The following TACR1 variants were observed in gnomAD, a reference collection of about 807,000 sequenced individuals.
TACR1 encodes the protein tachykinin receptor 1, also known as substance-P receptor.
Under a neutral mutation model 35.8 loss-of-function variants are expected in TACR1, and 25 were observed. The ratio of observed to expected loss-of-function variants is 0.70; its 90% CI spans 0.51 to 0.98. The LOEUF is 0.98. TACR1 is among the 50% of genes least tolerant of loss of function. The pLI is 0.00. For missense variants in TACR1, 478 were observed against 522.9 expected, an observed-to-expected ratio of 0.91 and a Z score of 0.84; for synonymous variants, 195 against 206.7, an observed-to-expected ratio of 0.94 and a Z score of 0.48.
At chr2:75,094,934 G>A (rs2422096) in intron 2 of TACR1, among the ~76,000 whole-genome samples, 2 of 149,548 alleles carry the variant, frequency 1.3e-5, no homozygotes, top group Non-Finnish European at 2.9e-5. Context: ...TAGCAATGAT[G>A]AGGAATTCAC....
chr2:75,155,336 G>C (rs914488808), intron 1 of TACR1, among the ~76,000 whole-genome samples: 1 of 152,062 alleles, frequency 6.6e-6, no homozygotes, highest in African/African-American at 2.4e-5. Context: ...CTCTCTTGCC[G>C]TGAGCAACCT....
rs536474118 is a variant in TACR1, at chr2:75,198,875, C to G, written c.60G>C (p.Ser20=). 6.2e-7 allele frequency: 1 copy of G among 1,613,978 alleles called. No individual in the cohort carries two copies. Reference sequence around the variant, plus strand: ...CTGGTTGCACGAACTGATTGGGTTCCGAGGTGTTAGTGGAGATGTTTGGGG... The same window carrying G: ...CTGGTTGCACGAACTGATTGGGTTCGGAGGTGTTAGTGGAGATGTTTGGGG... ...DLSPNISTNT[S]EPNQFVQPAW... The change falls in exon 1 of 5, where the codon TCG becomes TCC. Residue 20 remains serine (S), a synonymous_variant. Transcript: ENST00000305249.
chr2:75,193,899 T>C lies in TACR1; in HGVS notation c.389+4647A>G, dbSNP rs558704044. On this transcript the variant is annotated intron_variant, in intron 1 of 4. Coordinates refer to ENST00000305249, the MANE Select transcript of TACR1 (RefSeq NM_001058.4). The stretch of plus-strand genomic sequence containing the variant: ...CCCTTTGAGGGAATAAACAAGGCTG[T>C]GAGTTAGGAAACCTCACCTTACCTT... Among the ~76,000 whole-genome samples the C allele has an allele frequency of 2.0e-5, 3 of 152,320 alleles. No homozygotes were observed. The East Asian group carries it at 5.8e-4, about 29-fold the overall frequency.
At chr2:75,093,134 C>T (rs1228363276) in intron 2 of TACR1, among the ~76,000 whole-genome samples, 1 of 152,118 alleles carries the variant, frequency 6.6e-6, no homozygotes, top group African/African-American at 2.4e-5. Flanking sequence ...GAGAAGGTGA[C>T]AATATGTTGC....
intron 3 of TACR1, among the ~76,000 whole-genome samples, chr2:75,052,145 AAGGTGATGGTATT>A (rs1672481286): frequency 1.3e-5 from 2 of 152,198 alleles, no homozygotes; most frequent in South Asian, 4.1e-4. Flanking sequence ...CCTAACCCCT[AAGGTGATGGTATT>A]AGGAGGTGGC....
intron 1 of TACR1, among the ~76,000 whole-genome samples, chr2:75,135,677 A>C (rs1674273600): frequency 6.6e-6 from 1 of 152,206 alleles, no homozygotes; most frequent in Non-Finnish European, 1.5e-5. Context: ...AGTAAATTGG[A>C]GTAGAATTAT....
chr2:75,168,785 A>G (rs924549567), intron 1 of TACR1, among the ~76,000 whole-genome samples: 2 of 152,218 alleles, frequency 1.3e-5, no homozygotes, highest in Non-Finnish European at 2.9e-5. Context: ...ATTTAGTTAC[A>G]TGTAAAAAGC....
chr2:75,162,650 T>C (rs1675039113), intron 1 of TACR1, among the ~76,000 whole-genome samples: 1 of 152,222 alleles, frequency 6.6e-6, no homozygotes, highest in African/African-American at 2.4e-5. Flanking sequence ...AGGAACACAG[T>C]TCCCTGTAAT....
At chr2:75,146,984 C>G (rs894531510) in intron 1 of TACR1, among the ~76,000 whole-genome samples, 1 of 152,208 alleles carries the variant, frequency 6.6e-6, no homozygotes, top group Non-Finnish European at 1.5e-5. Flanking sequence ...GAAACACAAT[C>G]TGCTGTGTGC....
At chr2:75,054,792 C>T (rs978817390) in intron 2 of TACR1, among the ~76,000 whole-genome samples, 7 of 151,902 alleles carry the variant, frequency 4.6e-5, no homozygotes, top group Admixed American at 2.0e-4. Context: ...TGTTTGGGGG[C>T]ACTTACTCTA....
chr2:75,076,455 G>A (rs1014323305), intron 2 of TACR1, among the ~76,000 whole-genome samples: 1 of 152,192 alleles, frequency 6.6e-6, no homozygotes, highest in Non-Finnish European at 1.5e-5. Context: ...GGAGCTACAT[G>A]TTTGGTTTGT....
rs546332539 is a variant in TACR1 at position 75,074,267 on chromosome 2, GTTGTGAC to G, written c.585-20519_585-20513del. On this transcript the variant is annotated intron_variant, in intron 2 of 4. Transcript: ENST00000305249. ...GCAAGTGGCAAGTGTTGGCTGTGTA[GTTGTGAC>G]TTGTTGCAAAGGAGAGAAATTGACA... Among the ~76,000 whole-genome samples, 702 of 152,314 alleles carry G rather than the reference GTTGTGAC, an allele frequency of 4.6e-3. 6 individuals are homozygous for G. Among genetic ancestry groups the G allele is most frequent in the African/African-American group, 0.016 (651 of 41,580 alleles).
intron 1 of TACR1, chr2:75,188,462 C>A (rs1675761286): frequency 6.6e-6 from 1 of 152,214 alleles, no homozygotes. Context: ...TCAGCACTCT[C>A]CCCTCATGAG....
intron 1 of TACR1, among the ~76,000 whole-genome samples, chr2:75,172,702 C>T (rs1675319598): frequency 6.6e-6 from 1 of 152,134 alleles, no homozygotes. Flanking sequence ...TCTGCAATAC[C>T]TGCTTCCTCT....
intron 1 of TACR1, among the ~76,000 whole-genome samples, chr2:75,129,549 A>T (rs1674139714): frequency 6.6e-6 from 1 of 152,238 alleles, no homozygotes; most frequent in Non-Finnish European, 1.5e-5. Flanking sequence ...AATTACCCTG[A>T]TATGACCATT....
intron 2 of TACR1, among the ~76,000 whole-genome samples, chr2:75,071,203 G>C (rs970712917): frequency 6.6e-6 from 1 of 152,200 alleles, no homozygotes. Context: ...GATCCCTGCT[G>C]TAAGGGAAAA....
chr2:75,182,420 C>T lies in TACR1; in HGVS notation c.389+16126G>A, dbSNP rs373364337. ...ACAATACCCACCCCTGACACTCTCA[C>T]CCTGAACTCCCGCTCTTCCTTTAGA... On this transcript the variant is annotated intron_variant, in intron 1 of 4. Transcript: ENST00000305249. 3.9e-5 allele frequency among the ~76,000 whole-genome samples: 6 copies of T among 152,214 alleles called. 1 individual carries two copies. The East Asian group carries it at 9.7e-4, about 25-fold the overall frequency.
chr2:75,120,368 A>G (rs1673943657), intron 2 of TACR1, among the ~76,000 whole-genome samples: 2 of 152,184 alleles, frequency 1.3e-5, no homozygotes, highest in South Asian at 2.1e-4. Flanking sequence ...TTATCTTTCA[A>G]TGCTCAGAAT....
intron 2 of TACR1, among the ~76,000 whole-genome samples, chr2:75,073,038 A>G (rs1672912745): frequency 6.6e-6 from 1 of 152,216 alleles, no homozygotes; most frequent in Non-Finnish European, 1.5e-5. Flanking sequence ...GAAAACAAAT[A>G]ATCTCAGCAA....
Sources: gnomAD v4.1 joint callset for allele counts (sites outside exome capture counted in the v4.1 genomes callset) on GRCh38, gnomAD v4.1.1 for gene constraint, MANE v1.5 for transcripts, NCBI Gene and HGNC (gene_info 2026-07-23, HGNC 2026-07-21) for gene names.